The following NBEAL1 variants were observed in gnomAD, a reference collection of about 807,000 sequenced individuals.
The protein encoded by NBEAL1 is neurobeachin-like protein 1.
Under a neutral mutation model 351.3 loss-of-function variants are expected in NBEAL1, and 273 were observed. The ratio of observed to expected loss-of-function variants is 0.78; its 90% CI spans 0.70 to 0.86. The LOEUF (loss-of-function observed/expected upper bound fraction) is 0.86, where lower values mean the gene tolerates loss of function less well. Among genes scored for constraint, NBEAL1 ranks in the 40% least tolerant of loss-of-function variants. The pLI, the probability that NBEAL1 is intolerant of heterozygous loss-of-function variation, is 0.00. For missense variants in NBEAL1, 2,961 were observed against 3,201.3 expected (o/e 0.92, Z 1.81); for synonymous variants, 1,050 against 1,086.4 (o/e 0.97, Z 0.66).
At chr2:203,027,023 C>T (rs1258980757) in intron 2 of NBEAL1, among the ~76,000 whole-genome samples, 1 of 152,148 alleles carries the variant, frequency 6.6e-6, no homozygotes, top group Non-Finnish European at 1.5e-5. Flanking sequence ...ATTTTTAACT[C>T]CTCCACCCCC....
intron 18 of NBEAL1, among the ~76,000 whole-genome samples, chr2:203,121,220 A>T (rs1005320389): frequency 1.1e-4 from 16 of 151,934 alleles, no homozygotes; most frequent in Non-Finnish European, 2.2e-4. Flanking sequence ...TCTATGGTTT[A>T]TCTCTCATTT....
At position 203,049,803 on chromosome 2, in the gene NBEAL1, T is replaced by C. The variant is rs2061295534; in HGVS notation, c.144-11T>C. 6.7e-7 allele frequency: 1 copy of C among 1,501,456 alleles called. No homozygotes were observed. Among genetic ancestry groups the C allele is most frequent in the Middle Eastern group, 1.7e-4 (1 of 5,756 alleles). 93.0% of individuals were successfully genotyped at this position (1,501,456 alleles called of 1,614,324 possible). A position where few individuals can be genotyped will look rare whatever the true frequency, so the allele number is the denominator to read the frequency against. On this transcript the variant is annotated splice_polypyrimidine_tract_variant and intron_variant, in intron 3 of 55. Transcript: ENST00000683969. ...CAACAGGCTTCTTATTTTTTTCCCT[T>C]TCTGTTGTAGGGTAGATGATATGCC...
In NBEAL1 at chr2:203,097,605, A is replaced by G; in HGVS notation, c.1157A>G (p.Lys386Arg). ...AAGAACGAGAAAGACCTTGCCAACAAATTACTGACAGAAATGAATGAGGAC... is the reference window on the plus strand; with the variant it reads ...AAGAACGAGAAAGACCTTGCCAACAGATTACTGACAGAAATGAATGAGGAC... ...ADKNEKDLAN[K>R]LLTEMNEDQV... Residue 386 changes from lysine (K) to arginine (R), a missense_variant, in exon 11 of 56, where the codon AAA becomes AGA. Transcript: ENST00000683969. 1.0e-6 allele frequency: 1 copy of G among 985,748 alleles called. No homozygotes were observed. The highest frequency in any genetic ancestry group is 1.2e-6 in the Non-Finnish European group (1 of 829,844). 61.1% of individuals were successfully genotyped at this position (985,748 alleles called of 1,614,324 possible). A position where few individuals can be genotyped will look rare whatever the true frequency, so the allele number is the denominator to read the frequency against.
intron 49 of NBEAL1, among the ~76,000 whole-genome samples, chr2:203,200,242 G>C (rs1451425007): frequency 2.6e-5 from 4 of 152,152 alleles, no homozygotes; most frequent in African/African-American, 9.7e-5. Flanking sequence ...GCCGGGTGTG[G>C]TGGCTCACAC....
At chr2:203,190,209 C>CA in intron 45 of NBEAL1, 83 bp from the exon 46 acceptor site, 2 of 619,766 alleles carry the variant, frequency 3.2e-6, no homozygotes. Flanking sequence ...CACACACACA[C>CA]CAATGAGCCT....
chr2:203,141,459 C>A (rs1023538865), intron 31 of NBEAL1, among the ~76,000 whole-genome samples: 3 of 140,176 alleles, frequency 2.1e-5, no homozygotes, highest in African/African-American at 7.9e-5. Context: ...CGGCTCACTG[C>A]AATCTCTCCA....
Position 203,217,377 on chromosome 2 carries a change from T to C in NBEAL1, c.*23T>C. On this transcript the variant is annotated 3_prime_UTR_variant, in exon 56 of 56. Transcript: ENST00000683969. ...TGATTGTTATTTCCATTTTCTGTTA[T>C]GATTACTGAAACCTGATTTATTGCT... 3 of 1,559,972 alleles carry C rather than the reference T, an allele frequency of 1.9e-6. No homozygotes were observed. Among genetic ancestry groups the C allele is most frequent in the East Asian group, 2.3e-5 (1 of 43,904 alleles).
Position 203,099,663 on chromosome 2 carries a change from C to A in NBEAL1, c.1220C>A (p.Ser407Ter). 6.4e-7 allele frequency: 1 copy of A among 1,552,030 alleles called. No individual in the cohort carries two copies. Among genetic ancestry groups the A allele is most frequent in the East Asian group, 2.4e-5 (1 of 41,434 alleles). ...GGACAATTGGATTGTTTGGCCATAT[C>A]AACCATTCAGGCTTTGACCGCAGTA... ...FQGQLDCLAI[S>*]TIQALTAVMN... is the part of the protein sequence containing the mutation. The change falls in exon 12 of 56, where the codon TCA becomes TAA. Residue 407 changes from serine to a stop codon, truncating the protein, a stop_gained. Transcript: ENST00000683969. LOFTEE classifies it high-confidence loss of function.
chr2:203,101,979 T>G (rs1408157172), intron 12 of NBEAL1, among the ~76,000 whole-genome samples: 1 of 152,246 alleles, frequency 6.6e-6, no homozygotes, highest in Admixed American at 6.5e-5. Context: ...TCATCTCGGA[T>G]TTCTTTCAGC....
Position 203,057,358 on chromosome 2 carries a change from A to G in NBEAL1, c.420A>G (p.Ala140=), listed in dbSNP as rs2061420673. 1 of 1,550,938 alleles carries G rather than the reference A, an allele frequency of 6.4e-7. No homozygotes were observed. Among genetic ancestry groups the G allele is most frequent in the Non-Finnish European group, 8.7e-7 (1 of 1,146,036 alleles). The change falls in exon 6 of 56, where the codon GCA becomes GCG. Residue 140 remains alanine (A), a synonymous_variant. Coordinates refer to ENST00000683969, the MANE Select transcript of NBEAL1 (RefSeq NM_001378026.1). Reference sequence around the variant, plus strand: ...GCAAAAAAAAAGAGAAGGAAATGGCAGATCAGACATGTATTGAAGAATTTG... The same window carrying G: ...GCAAAAAAAAAGAGAAGGAAATGGCGGATCAGACATGTATTGAAGAATTTG... ...LKSKKKEKEM[A]DQTCIEEFVI... is the part of the protein sequence containing the mutation.
rs1042786004 is a variant in NBEAL1 at position 203,019,990 on chromosome 2, GATA to G, written c.51+3561_51+3563del. Among the ~76,000 whole-genome samples the G allele has an allele frequency of 1.2e-4, 19 of 152,014 alleles. No individual in the cohort carries two copies. In the East Asian group the frequency reaches 1.5e-3, roughly 12 times the overall value. On this transcript the variant is annotated intron_variant, in intron 2 of 55. Coordinates refer to ENST00000683969, the MANE Select transcript of NBEAL1 (RefSeq NM_001378026.1). ...AATTTATTTGATTTTATTTTTAATT[GATA>G]ATAATTTTATCTGATAATTTTAATT...
chr2:203,178,927 A>G (rs1477997034), intron 42 of NBEAL1, among the ~76,000 whole-genome samples: 1 of 152,218 alleles, frequency 6.6e-6, no homozygotes, highest in African/African-American at 2.4e-5. Context: ...CGAGCAATTT[A>G]TATGTTAATT....
intron 6 of NBEAL1, among the ~76,000 whole-genome samples, chr2:203,067,113 C>A (rs910596299): frequency 6.6e-6 from 1 of 151,912 alleles, no homozygotes; most frequent in South Asian, 2.1e-4. Context: ...ACTTCCCAGG[C>A]GGGGCGGCCA....
At chr2:203,077,591 C>T (rs2061799128) in intron 7 of NBEAL1, among the ~76,000 whole-genome samples, 161 bp from the exon 8 acceptor site, 1 of 152,190 alleles carries the variant, frequency 6.6e-6, no homozygotes, top group Non-Finnish European at 1.5e-5. Flanking sequence ...GATGGCTTCT[C>T]TTTTCTTTTC....
chr2:203,217,621 C>T lies in NBEAL1; in HGVS notation c.*267C>T, dbSNP rs2065911159. On this transcript the variant is annotated 3_prime_UTR_variant, in exon 56 of 56. Transcript: ENST00000683969. Reference sequence around the variant, plus strand: ...CAAACTAAAATGAGAACATTAGGTTCAATTTTCTTATTATTCCAAATGATA... The same window carrying T: ...CAAACTAAAATGAGAACATTAGGTTTAATTTTCTTATTATTCCAAATGATA... 3.9e-6 allele frequency: 4 copies of T among 1,018,760 alleles called. No individual in the cohort carries two copies. The highest frequency in any genetic ancestry group is 4.8e-6 in the Non-Finnish European group (4 of 839,160). 63.1% of individuals were successfully genotyped at this position (1,018,760 alleles called of 1,614,324 possible). A position where few individuals can be genotyped will look rare whatever the true frequency, so the allele number is the denominator to read the frequency against.
chr2:203,163,298 T>A (rs868060017), intron 36 of NBEAL1, among the ~76,000 whole-genome samples: 2 of 152,228 alleles, frequency 1.3e-5, no homozygotes, highest in African/African-American at 4.8e-5. Context: ...CAGAAAGTGC[T>A]TTAAGAATTG....
chr2:203,191,824 G>T (rs971508984), intron 46 of NBEAL1, among the ~76,000 whole-genome samples: 5 of 152,098 alleles, frequency 3.3e-5, no homozygotes, highest in African/African-American at 1.2e-4. Context: ...GTAAGCCCCC[G>T]TTAAACTAGA....
At chr2:203,038,679 T>A (rs2061078413) in intron 2 of NBEAL1, among the ~76,000 whole-genome samples, 1 of 148,878 alleles carries the variant, frequency 6.7e-6, no homozygotes, top group Admixed American at 6.8e-5. Context: ...AGAATATAGG[T>A]TTCACAAGTG....
intron 8 of NBEAL1, among the ~76,000 whole-genome samples, chr2:203,081,264 T>C (rs2061866622): frequency 6.6e-6 from 1 of 152,248 alleles, no homozygotes; most frequent in African/African-American, 2.4e-5. Context: ...GGGCTTCCCA[T>C]TGGCATATTT....
Sources: gnomAD v4.1 joint callset for allele counts (sites outside exome capture counted in the v4.1 genomes callset) on GRCh38, gnomAD v4.1.1 for gene constraint, MANE v1.5 for transcripts, NCBI Gene and HGNC (gene_info 2026-07-23, HGNC 2026-07-21) for gene names.